FCRL4: variants seen among roughly 807,000 people sequenced by gnomAD.
FCRL4 encodes Fc receptor-like protein 4.
Under a neutral mutation model 64.1 loss-of-function variants are expected in FCRL4, and 43 were observed. The observed-to-expected ratio is 0.67, with a 90% confidence interval of 0.53 to 0.87. The LOEUF (loss-of-function observed/expected upper bound fraction) is 0.87. FCRL4 is among the 40% of genes least tolerant of loss of function. FCRL4 has a pLI of 0.00. For synonymous variants in FCRL4, 253 were observed against 239.8 expected (o/e 1.05, Z -0.51); for missense variants, 656 against 613.5 (o/e 1.07, Z -0.73).
chr1:157,583,616 AG>A (rs1419253472), intron 6 of FCRL4, among the ~76,000 whole-genome samples: 1 of 152,166 alleles, frequency 6.6e-6, no homozygotes, highest in African/African-American at 2.4e-5. Flanking sequence ...TAAGCCAGAA[AG>A]AGAGCCCTCA....
chr1:157,597,348 C>A (rs1652987883), intron 1 of FCRL4, among the ~76,000 whole-genome samples: 1 of 152,178 alleles, frequency 6.6e-6, no homozygotes, highest in Non-Finnish European at 1.5e-5. Flanking sequence ...CTTTAATTCC[C>A]TAGTTTGAGC....
At chr1:157,578,342 AT>A (rs556751233) in intron 10 of FCRL4, 131 bp downstream of exon 10, 22 of 723,402 alleles carry the variant, frequency 3.0e-5, no homozygotes, top group Non-Finnish European at 5.0e-5. Context: ...CACTGCAGGG[AT>A]TTTTGTCTGC....
At chr1:157,580,949 A>G (rs1652544893) in intron 7 of FCRL4, among the ~76,000 whole-genome samples, 1 of 152,234 alleles carries the variant, frequency 6.6e-6, no homozygotes, top group African/African-American at 2.4e-5. Context: ...CTTTGGAAGC[A>G]CGCAGCAAAC....
chr1:157,597,353 T>G (rs1238810830), intron 1 of FCRL4, among the ~76,000 whole-genome samples: 1 of 152,210 alleles, frequency 6.6e-6, no homozygotes, highest in Non-Finnish European at 1.5e-5. Flanking sequence ...ATTCCCTAGT[T>G]TGAGCAACTA....
At chr1:157,581,410 G>T in intron 7 of FCRL4, 121 bp downstream of exon 7, 1 of 731,956 alleles carries the variant, frequency 1.4e-6, no homozygotes, top group Non-Finnish European at 2.3e-6. Flanking sequence ...GTGAACGCTG[G>T]GAGTGGAGAC....
intron 2 of FCRL4, among the ~76,000 whole-genome samples, chr1:157,593,806 A>G (rs570499708): frequency 6.6e-6 from 1 of 152,176 alleles, no homozygotes; most frequent in Non-Finnish European, 1.5e-5. Context: ...TTATTTTCTG[A>G]GTTTTGTAGT....
At position 157,578,925 on chromosome 1, in the gene FCRL4, G is replaced by A. The variant is rs891644475; in HGVS notation, c.1278-73C>T. On this transcript the variant is annotated intron_variant, in intron 8 of 11. Transcript: ENST00000271532. ...CGGGAGAGTGAGATACCCAGGGAGA[G>A]CGGCAGAGGAGAAAGAGGATTTGGA... 19 of 1,233,290 alleles carry A rather than the reference G, an allele frequency of 1.5e-5. No individual in the cohort carries two copies. In the Admixed American group the frequency reaches 2.7e-4, roughly 18 times the overall value. The allele number at this position is 1,233,290 out of a possible 1,614,324, so 76.4% of individuals were successfully genotyped here.
chr1:157,579,704 ATACATAC>A (rs746804322), intron 8 of FCRL4, among the ~76,000 whole-genome samples: 39,559 of 113,980 alleles, frequency 0.35, 5,379 homozygotes, highest in Middle Eastern at 0.44. Flanking sequence ...GTGACAATAC[ATACATAC>A]ATACATACAT....
At chr1:157,585,386 CTT>C (rs1246481977) in intron 6 of FCRL4, among the ~76,000 whole-genome samples, 6 of 97,082 alleles carry the variant, frequency 6.2e-5, no homozygotes, top group African/African-American at 1.5e-4. Flanking sequence ...TTCTTTCTTT[CTT>C]TCTTTCCTTC....
chr1:157,591,145 C>A (rs145440191), intron 2 of FCRL4, among the ~76,000 whole-genome samples: 2 of 152,130 alleles, frequency 1.3e-5, no homozygotes, highest in African/African-American at 4.8e-5. Flanking sequence ...AAGATGAATG[C>A]GCCTGAAGGA....
At chr1:157,587,645 A>G in intron 4 of FCRL4, 85 bp from the exon 5 acceptor site, 1 of 1,416,026 alleles carries the variant, frequency 7.1e-7, no homozygotes, top group Non-Finnish European at 9.6e-7. Context: ...AGTCCCAGGA[A>G]ACTTCAGACA....
chr1:157,585,205 A>C (rs1652645278), intron 6 of FCRL4, among the ~76,000 whole-genome samples: 1 of 151,898 alleles, frequency 6.6e-6, no homozygotes, highest in Admixed American at 6.6e-5. Flanking sequence ...AACTTAATAA[A>C]AGCTAGATTC....
Position 157,596,361 on chromosome 1 carries a change from A to G in FCRL4, c.32-13T>C, listed in dbSNP as rs779783202. 4 of 1,613,972 alleles carry G rather than the reference A, an allele frequency of 2.5e-6. No individual in the cohort carries two copies. The Admixed American group carries it at 5.0e-5, about 20-fold the overall frequency. On this transcript the variant is annotated splice_polypyrimidine_tract_variant and intron_variant, in intron 1 of 11. Coordinates refer to ENST00000271532, the MANE Select transcript of FCRL4 (RefSeq NM_031282.3). Reference sequence around the variant, plus strand: ...CCACAGACTGGAGCTGAAAGAGAGTAAAGAGCCAGCCATCAGCGTAGGCGA... The same window carrying G: ...CCACAGACTGGAGCTGAAAGAGAGTGAAGAGCCAGCCATCAGCGTAGGCGA...
At position 157,578,832 on chromosome 1, in the gene FCRL4, G is replaced by C. The variant is rs370980965; in HGVS notation, c.1298C>G (p.Pro433Arg). The change falls in exon 9 of 12, where the codon CCA becomes CGA. Residue 433 changes from proline to arginine, a missense_variant. Physicochemically the swap from Pro to Arg is moderately radical, Grantham distance 103. Coordinates refer to ENST00000271532, the MANE Select transcript of FCRL4 (RefSeq NM_031282.3). ...DETRLPPAPG[P>R]GESSHSICPA... ...GCAGATGGAATGGGAGGACTCTCCT[G>C]GGCCTGGAGCGGGAGGGAGCCTGTG... 5 of 1,613,460 alleles carry C rather than the reference G, an allele frequency of 3.1e-6. No homozygotes were observed. In the African/African-American group the frequency reaches 6.7e-5, roughly 22 times the overall value.
chr1:157,588,062 C>G lies in FCRL4; in HGVS notation c.365G>C (p.Arg122Thr), dbSNP rs780174605. The change falls in exon 4 of 12, where the codon AGA becomes ACA. Residue 122 changes from arginine to threonine, a missense_variant. Physicochemically the swap from Arg to Thr is moderately conservative, Grantham distance 71. Transcript: ENST00000271532. Reference protein sequence around the residue: ...SVFEGDTLVLRCHRRRKEKLT... With the variant: ...SVFEGDTLVLTCHRRRKEKLT... ...TTTCTCTTTCCTTCTTCTGTGGCAT[C>G]TCAGAACCAATGTGTCACCTTCAAA... 6.2e-7 allele frequency: 1 copy of G among 1,613,772 alleles called. No individual in the cohort carries two copies. The highest frequency in any genetic ancestry group is 8.5e-7 in the Non-Finnish European group (1 of 1,179,896).
chr1:157,596,327 C>G lies in FCRL4; in HGVS notation c.52+1G>C. 1 of 1,613,928 alleles carries G rather than the reference C, an allele frequency of 6.2e-7. No individual in the cohort carries two copies. The highest frequency in any genetic ancestry group is 8.5e-7 in the Non-Finnish European group (1 of 1,179,892). ...AAGGAGCAAAGAAAATAAGGACTTA[C>G]CAGATTGTCCACAGACTGGAGCTGA... On this transcript the variant is annotated splice_donor_variant, in intron 2 of 11. Coordinates refer to ENST00000271532, the MANE Select transcript of FCRL4 (RefSeq NM_031282.3). LOFTEE classifies it high-confidence loss of function.
Position 157,581,531 on chromosome 1 carries a change from C to G in FCRL4, c.1249G>C (p.Gly417Arg), listed in dbSNP as rs199914402. The G allele has an allele frequency of 1.8e-4, 295 of 1,613,648 alleles. 2 individuals are homozygous for G. The highest frequency in any genetic ancestry group is 9.8e-4 in the South Asian group (89 of 91,064). ...CTGTGGCAAAGAAAAGAGCACAAAC[C>G]TGACTTCCTCCGACGCCAGCAGTGA... ...LFHCWRRRKS[G>R]VGFLGDETRL... The change falls in exon 7 of 12, where the codon GGA becomes CGA. Residue 417 changes from glycine (G) to arginine (R), a missense_variant and splice_region_variant. Coordinates refer to ENST00000271532, the MANE Select transcript of FCRL4 (RefSeq NM_031282.3).
intron 1 of FCRL4, 26 bp downstream of exon 1, chr1:157,597,888 G>T: frequency 3.1e-6 from 5 of 1,607,986 alleles, no homozygotes; most frequent in Non-Finnish European, 4.3e-6. Flanking sequence ...TTTGCAGCAA[G>T]CAAAGGTCTC....
At position 157,575,480 on chromosome 1, in the gene FCRL4, G is replaced by GGA; in HGVS notation, c.*42_*43dup. 1 of 1,475,704 alleles carries GGA rather than the reference G, an allele frequency of 6.8e-7. No individual in the cohort carries two copies. The highest frequency in any genetic ancestry group is 9.4e-7 in the Non-Finnish European group (1 of 1,060,490). 91.4% of individuals were successfully genotyped at this position (1,475,704 alleles called of 1,614,324 possible). A position where few individuals can be genotyped will look rare whatever the true frequency, so the allele number is the denominator to read the frequency against. ...CACTGGGCCTGGGACTTTGGACAAG[G>GGA]GAGAAATCACATGAGTAGGACGTTC... On this transcript the variant is annotated 3_prime_UTR_variant, in exon 12 of 12. Coordinates refer to ENST00000271532, the MANE Select transcript of FCRL4 (RefSeq NM_031282.3).
Sources: gnomAD v4.1 joint callset for allele counts (sites outside exome capture counted in the v4.1 genomes callset) on GRCh38, gnomAD v4.1.1 for gene constraint, MANE v1.5 for transcripts, NCBI Gene and HGNC (gene_info 2026-07-23, HGNC 2026-07-21) for gene names.